Variants in NEK7 observed in about 807,000 individuals in gnomAD.
The protein encoded by NEK7 is NIMA related kinase 7.
Under a neutral mutation model 44.6 loss-of-function variants are expected in NEK7, and 18 were observed. That is an observed-to-expected ratio of 0.40 (90% confidence interval 0.28 to 0.60). The LOEUF (loss-of-function observed/expected upper bound fraction) is 0.60. NEK7 is among the 20% of genes least tolerant of loss of function. The pLI, the probability that NEK7 is intolerant of heterozygous loss-of-function variation, is 0.38. For missense variants in NEK7, 256 were observed against 366.5 expected (o/e 0.70, Z 2.46); for synonymous variants, 130 against 121.1 (o/e 1.07, Z -0.48).
At chr1:198,197,576 T>C (rs886914849) in intron 1 of NEK7, among the ~76,000 whole-genome samples, 1 of 152,224 alleles carries the variant, frequency 6.6e-6, no homozygotes, top group Non-Finnish European at 1.5e-5. Flanking sequence ...GTATGATCTA[T>C]CCAAGCAGCA....
chr1:198,276,835 C>T (rs1240000366), intron 5 of NEK7, among the ~76,000 whole-genome samples: 2 of 151,618 alleles, frequency 1.3e-5, no homozygotes, highest in East Asian at 3.9e-4. Context: ...AGGATATCAG[C>T]AGATTTCCTT....
At chr1:198,260,013 A>G (rs1653403636) in intron 3 of NEK7, among the ~76,000 whole-genome samples, 1 of 152,132 alleles carries the variant, frequency 6.6e-6, no homozygotes, top group Admixed American at 6.6e-5. Flanking sequence ...GTGCATCTTA[A>G]AGGACTGCAA....
At chr1:198,289,950 A>G (rs1654501643) in intron 7 of NEK7, among the ~76,000 whole-genome samples, 2 of 152,196 alleles carry the variant, frequency 1.3e-5, no homozygotes. Flanking sequence ...TTACATATGG[A>G]TGACTGTCTT....
At chr1:198,187,264 G>A in intron 1 of NEK7, among the ~76,000 whole-genome samples, 1 of 152,052 alleles carries the variant, frequency 6.6e-6, no homozygotes, top group Admixed American at 6.6e-5. Context: ...TGGTAGGTGG[G>A]GACTGCAGGG....
intron 1 of NEK7, among the ~76,000 whole-genome samples, chr1:198,181,456 T>C (rs956117095): frequency 3.9e-5 from 6 of 152,084 alleles, no homozygotes; most frequent in Non-Finnish European, 7.4e-5. Flanking sequence ...GACGTTAGAA[T>C]TGAGTGAACT....
At chr1:198,233,919 A>G (rs1484021164) in intron 2 of NEK7, among the ~76,000 whole-genome samples, 1 of 151,948 alleles carries the variant, frequency 6.6e-6, no homozygotes, top group Non-Finnish European at 1.5e-5. Context: ...TTAAGGACCA[A>G]CAACAAAGCC....
chr1:198,195,249 T>TA (rs897862686), intron 1 of NEK7, among the ~76,000 whole-genome samples: 22 of 150,872 alleles, frequency 1.5e-4, no homozygotes, highest in Admixed American at 7.3e-4. Flanking sequence ...TTCAGTAGAC[T>TA]AAAAAAAAAC....
At chr1:198,161,845 CAT>C (rs1219027817) in intron 1 of NEK7, among the ~76,000 whole-genome samples, 1 of 151,922 alleles carries the variant, frequency 6.6e-6, no homozygotes, top group Non-Finnish European at 1.5e-5. Context: ...GACAAAGAAA[CAT>C]ACCAAAACTT....
intron 1 of NEK7, among the ~76,000 whole-genome samples, chr1:198,162,273 C>T (rs182205924): frequency 1.3e-5 from 2 of 152,116 alleles, no homozygotes; most frequent in Non-Finnish European, 2.9e-5. Context: ...CCTTAGCCCT[C>T]GGGGAAGCCC....
At chr1:198,235,976 T>C (rs917879276) in intron 2 of NEK7, among the ~76,000 whole-genome samples, 1 of 152,250 alleles carries the variant, frequency 6.6e-6, no homozygotes, top group Non-Finnish European at 1.5e-5. Flanking sequence ...AGACTGACCA[T>C]TCCTTTAAGC....
chr1:198,311,482 G>T (rs1477507950), intron 9 of NEK7, among the ~76,000 whole-genome samples: 12 of 151,566 alleles, frequency 7.9e-5, no homozygotes, highest in East Asian at 7.8e-4. Flanking sequence ...ATGTTGAATA[G>T]GAGTGGTGAG....
At chr1:198,312,785 T>G (rs976091374) in intron 9 of NEK7, among the ~76,000 whole-genome samples, 1 of 151,780 alleles carries the variant, frequency 6.6e-6, no homozygotes, top group Non-Finnish European at 1.5e-5. Context: ...CTAGTTTGAT[T>G]GCACTGTGGT....
chr1:198,241,852 G>T (rs140708882), intron 2 of NEK7, among the ~76,000 whole-genome samples: 157 of 152,018 alleles, frequency 1.0e-3, no homozygotes, highest in Middle Eastern at 3.4e-3. Context: ...TTCATTAAAT[G>T]TTAGCAAAAA....
At chr1:198,297,050 C>T (rs759785600) in intron 8 of NEK7, 77 bp from the exon 9 acceptor site, 2 of 897,844 alleles carry the variant, frequency 2.2e-6, no homozygotes, top group South Asian at 1.5e-5. Flanking sequence ...ATTTTCTACC[C>T]CCGTATAATA....
chr1:198,240,700 T>C (rs1269371080), intron 2 of NEK7, among the ~76,000 whole-genome samples: 2 of 152,184 alleles, frequency 1.3e-5, no homozygotes, highest in Non-Finnish European at 1.5e-5. Flanking sequence ...TTTTTTGTTG[T>C]TGTTCTTGAG....
At chr1:198,199,606 C>T (rs1209284276) in intron 1 of NEK7, among the ~76,000 whole-genome samples, 1 of 151,270 alleles carries the variant, frequency 6.6e-6, no homozygotes, top group Non-Finnish European at 1.5e-5. Flanking sequence ...TTCGTTTTTG[C>T]TTTATATATT....
intron 7 of NEK7, among the ~76,000 whole-genome samples, chr1:198,286,350 TCTC>T (rs1247159692): frequency 6.6e-6 from 1 of 152,028 alleles, no homozygotes; most frequent in Non-Finnish European, 1.5e-5. Flanking sequence ...TGTATTGGCT[TCTC>T]CTGCTCCGCC....
At chr1:198,251,786 C>T (rs1272993805) in intron 2 of NEK7, among the ~76,000 whole-genome samples, 5 of 151,798 alleles carry the variant, frequency 3.3e-5, no homozygotes, top group African/African-American at 1.2e-4. Flanking sequence ...ATTAGTCTTG[C>T]TAGCAGTCTA....
intron 8 of NEK7, among the ~76,000 whole-genome samples, chr1:198,296,180 G>A (rs1654711415): frequency 6.6e-6 from 1 of 152,148 alleles, no homozygotes; most frequent in Non-Finnish European, 1.5e-5. Flanking sequence ...CACTCTGCCT[G>A]TCTGGGGAAT....
Sources: gnomAD v4.1 joint callset for allele counts (sites outside exome capture counted in the v4.1 genomes callset) on GRCh38, gnomAD v4.1.1 for gene constraint, MANE v1.5 for transcripts, NCBI Gene and HGNC (gene_info 2026-07-23, HGNC 2026-07-21) for gene names.